Variants in GNAT3 observed in about 807,000 individuals in gnomAD.
GNAT3 encodes G protein subunit alpha transducin 3.
Under a neutral mutation model 37.7 loss-of-function variants are expected in GNAT3, and 31 were observed. The ratio of observed to expected loss-of-function variants is 0.82; its 90% confidence interval spans 0.62 to 1.11. The LOEUF (loss-of-function observed/expected upper bound fraction) is 1.11. GNAT3 is among the 50% of genes most tolerant of loss of function. The probability of loss-of-function intolerance (pLI) is 0.00; values close to 1 mark genes in which losing one functional copy is unlikely to be tolerated. For synonymous variants in GNAT3, 138 were observed against 139.8 expected (o/e 0.99, Z 0.09); for missense variants, 437 against 412.5 (o/e 1.06, Z -0.51).
chr7:80,488,370 A>C (rs1193343911), intron 3 of GNAT3, among the ~76,000 whole-genome samples, 165 bp downstream of exon 3: 2 of 152,186 alleles, frequency 1.3e-5, no homozygotes, highest in Non-Finnish European at 2.9e-5. Flanking sequence ...TTTCACTTCA[A>C]GGAAAATAAG....
intron 1 of GNAT3, among the ~76,000 whole-genome samples, chr7:80,497,337 T>G (rs1256112800): frequency 6.6e-6 from 1 of 151,958 alleles, no homozygotes. Flanking sequence ...TGCACAATAG[T>G]CTGGTTTGCT....
At chr7:80,501,165 CA>C in intron 1 of GNAT3, among the ~76,000 whole-genome samples, 1 of 151,620 alleles carries the variant, frequency 6.6e-6, no homozygotes, top group South Asian at 2.1e-4. Flanking sequence ...TTTCTTTTGC[CA>C]AAAAAACACA....
At chr7:80,510,562 CAG>C (rs1791047347) in intron 1 of GNAT3, among the ~76,000 whole-genome samples, 1 of 152,130 alleles carries the variant, frequency 6.6e-6, no homozygotes, top group South Asian at 2.1e-4. Flanking sequence ...CAGAAACTAA[CAG>C]AATTCTATGG....
chr7:80,510,481 G>A (rs1261253178), intron 1 of GNAT3, among the ~76,000 whole-genome samples: 1 of 152,144 alleles, frequency 6.6e-6, no homozygotes, highest in Non-Finnish European at 1.5e-5. Context: ...AAATGAATTT[G>A]TAAGAATGCT....
intron 4 of GNAT3, among the ~76,000 whole-genome samples, chr7:80,475,295 T>C (rs923588795): frequency 4.6e-5 from 7 of 151,118 alleles, no homozygotes; most frequent in Non-Finnish European, 1.0e-4. Context: ...AACAGTCTGC[T>C]AAATTAGAGG....
At chr7:80,511,773 G>T in intron 1 of GNAT3, 36 bp downstream of exon 1, 1 of 1,313,730 alleles carries the variant, frequency 7.6e-7, no homozygotes, top group Non-Finnish European at 1.1e-6. Context: ...TGAAAAAAAA[G>T]TCAGGTTTTT....
intron 1 of GNAT3, 101 bp downstream of exon 1, chr7:80,511,708 C>T (rs1178632478): frequency 1.6e-6 from 1 of 629,124 alleles, no homozygotes; most frequent in Non-Finnish European, 2.8e-6. Context: ...TAATAAATTT[C>T]CCATATGATA....
rs752299880 is a variant in GNAT3 at position 80,497,571 on chromosome 7, T to TAC, written c.119-2926_119-2925dup. On this transcript the variant is annotated intron_variant, in intron 1 of 7. Transcript: ENST00000398291. ...ATATACGTATATACATATACGTATATACATATACGTATATACATATACGTA... is the reference window on the plus strand; with the variant it reads ...ATATACGTATATACATATACGTATATACACATATACGTATATACATATACGTA... Among the ~76,000 whole-genome samples the TAC allele has an allele frequency of 4.5e-3, 614 of 137,396 alleles. 28 individuals carry two copies. Among genetic ancestry groups the TAC allele is most frequent in the African/African-American group, 0.016 (575 of 35,590 alleles). The allele number at this position is 137,396 out of a possible 152,430, so 90.1% of individuals were successfully genotyped here.
intron 1 of GNAT3, among the ~76,000 whole-genome samples, chr7:80,504,639 A>C (rs1790899199): frequency 6.6e-6 from 1 of 152,238 alleles, no homozygotes; most frequent in Non-Finnish European, 1.5e-5. Flanking sequence ...AAGATGACAA[A>C]ATGAAAAATA....
At chr7:80,485,673 AAAT>A (rs1790466592) in intron 3 of GNAT3, among the ~76,000 whole-genome samples, 1 of 152,146 alleles carries the variant, frequency 6.6e-6, no homozygotes, top group African/African-American at 2.4e-5. Flanking sequence ...GTTTAATAAA[AAAT>A]AATTTTTTCA....
chr7:80,498,062 T>C (rs1353830796), intron 1 of GNAT3, among the ~76,000 whole-genome samples: 1 of 152,130 alleles, frequency 6.6e-6, no homozygotes, highest in Non-Finnish European at 1.5e-5. Flanking sequence ...CAACCGAATT[T>C]TATTTTATTC....
intron 5 of GNAT3, among the ~76,000 whole-genome samples, chr7:80,472,399 G>C (rs1365994399): frequency 6.6e-6 from 1 of 152,126 alleles, no homozygotes; most frequent in Non-Finnish European, 1.5e-5. Context: ...TAGTGACAGG[G>C]ATAAGCATGG....
At chr7:80,459,795 C>T (rs1011448875) in intron 7 of GNAT3, among the ~76,000 whole-genome samples, 1 of 152,134 alleles carries the variant, frequency 6.6e-6, no homozygotes, top group Non-Finnish European at 1.5e-5. Context: ...GAAGGACAAG[C>T]TTTAAAGCCA....
intron 3 of GNAT3, among the ~76,000 whole-genome samples, chr7:80,486,963 G>A (rs2116187990): frequency 6.6e-6 from 1 of 152,174 alleles, no homozygotes; most frequent in South Asian, 2.1e-4. Context: ...AAGGAATTCA[G>A]AGGGTACGTC....
At chr7:80,490,554 A>G (rs943506417) in intron 2 of GNAT3, among the ~76,000 whole-genome samples, 5 of 152,188 alleles carry the variant, frequency 3.3e-5, no homozygotes. Context: ...GTTCAAGGAT[A>G]GTTATTCCTA....
chr7:80,459,388 A>C (rs1192220124), intron 7 of GNAT3, among the ~76,000 whole-genome samples: 2 of 152,208 alleles, frequency 1.3e-5, no homozygotes, highest in African/African-American at 2.4e-5. Context: ...GATAGAAATG[A>C]AAGATTTTTG....
rs1325522506 is a variant in GNAT3 at position 80,462,571 on chromosome 7, T to C, written c.651A>G (p.Gly217=). Residue 217 remains glycine (G), a synonymous_variant, in exon 6 of 8, where the codon GGA becomes GGG. Coordinates refer to ENST00000398291, the MANE Select transcript of GNAT3 (RefSeq NM_001102386.3). ...CAGCACAAAATATAATGCATGTAACTCCTTCAAAGCAGTGAATCCACTTCT... is the reference window on the plus strand; with the variant it reads ...CAGCACAAAATATAATGCATGTAACCCCTTCAAAGCAGTGAATCCACTTCT... ...ERKKWIHCFE[G]VTCIIFCAAL... 1 of 1,612,594 alleles carries C rather than the reference T, an allele frequency of 6.2e-7. No homozygotes were observed. The highest frequency in any genetic ancestry group is 8.5e-7 in the Non-Finnish European group (1 of 1,178,792).
chr7:80,483,847 G>A (rs1053019281), intron 3 of GNAT3, among the ~76,000 whole-genome samples: 2 of 152,032 alleles, frequency 1.3e-5, no homozygotes, highest in Non-Finnish European at 2.9e-5. Flanking sequence ...ACACCCTGTG[G>A]ATTTGAGTGG....
intron 1 of GNAT3, among the ~76,000 whole-genome samples, chr7:80,511,090 G>T (rs1323510082): frequency 6.6e-6 from 1 of 151,912 alleles, no homozygotes; most frequent in Non-Finnish European, 1.5e-5. Flanking sequence ...GAAAAAATCT[G>T]CATATGGATT....
Sources: gnomAD v4.1 joint callset for allele counts (sites outside exome capture counted in the v4.1 genomes callset) on GRCh38, gnomAD v4.1.1 for gene constraint, MANE v1.5 for transcripts, NCBI Gene and HGNC (gene_info 2026-07-23, HGNC 2026-07-21) for gene names.